The following ACACA variants were observed in gnomAD, a reference collection of about 807,000 sequenced individuals.
ACACA encodes acetyl-CoA carboxylase alpha.
In ACACA, 103 loss-of-function variants were observed where a neutral mutation model predicts 296.1. The observed-to-expected ratio is 0.35, with a 90% CI of 0.30 to 0.41. The LOEUF (loss-of-function observed/expected upper bound fraction) is 0.41. Ranked by LOEUF, ACACA falls within the 10% of genes least tolerant of loss-of-function variation. The pLI is 1.00. For missense variants in ACACA, 1,554 were observed against 2,989.7 expected, an observed-to-expected ratio of 0.52 and a Z score of 11.20; for synonymous variants, 953 against 1,038.6, an observed-to-expected ratio of 0.92 and a Z score of 1.58.
chr17:37,367,875 C>T (rs2049662908), intron 1 of ACACA, among the ~76,000 whole-genome samples: 1 of 152,032 alleles, frequency 6.6e-6, no homozygotes, highest in East Asian at 1.9e-4. Context: ...CAAGATGAAC[C>T]TGGCCAACAT....
chr17:37,247,295 C>T (rs893584129), intron 18 of ACACA, among the ~76,000 whole-genome samples: 3 of 151,986 alleles, frequency 2.0e-5, no homozygotes, highest in African/African-American at 7.3e-5. Flanking sequence ...TATGTTGTGG[C>T]AATGTTCTAC....
Position 37,173,982 on chromosome 17 carries a change from TTATATATATATATATA to T in ACACA, c.5079+5262_5079+5277del, listed in dbSNP as rs1173883631. ...GCGCCTGCCAACACGCCTGGCTAAT[TTATATATATATATATA>T]TATATATATATATATATATATATTT... On this transcript the variant is annotated intron_variant, in intron 41 of 55. Coordinates refer to ENST00000616317, the MANE Select transcript of ACACA (RefSeq NM_198834.3). Among the ~76,000 whole-genome samples, 16 of 19,440 alleles carry T rather than the reference TTATATATATATATATA, an allele frequency of 8.2e-4. 1 individual carries two copies. Among genetic ancestry groups the T allele is most frequent in the Admixed American group, 3.6e-3 (4 of 1,108 alleles). 12.8% of individuals were successfully genotyped at this position (19,440 alleles called of 152,430 possible). A position where few individuals can be genotyped will look rare whatever the true frequency, so the allele number is the denominator to read the frequency against.
At chr17:37,173,991 TATATATATATATATATATATATATATA>T in intron 41 of ACACA, among the ~76,000 whole-genome samples, 5 of 8,504 alleles carry the variant, frequency 5.9e-4, no homozygotes, top group African/African-American at 4.1e-3. Flanking sequence ...TTTATATATA[TATATATATATATATATATATATATATA>T]TATTTTTTTT....
chr17:37,135,576 G>A (rs1044784694), intron 45 of ACACA, among the ~76,000 whole-genome samples: 7 of 152,188 alleles, frequency 4.6e-5, no homozygotes, highest in African/African-American at 1.4e-4. Context: ...TCAGTGGAAG[G>A]AAAAGAAACA....
chr17:37,122,604 A>G lies in ACACA; in HGVS notation c.6065T>C (p.Val2022Ala), dbSNP rs374163033. ...RARLGGIPVGVVAVETRTVEL... is the reference protein window; with the variant it reads ...RARLGGIPVGAVAVETRTVEL... ...TACTGTTCGGGTTTCTACAGCAACA[A>G]CTCCCACAGGTATTCCTCCTAGCCT... Residue 2022 changes from valine (V) to alanine (A), a missense_variant, in exon 49 of 56, where the codon GTT becomes GCT. Coordinates refer to ENST00000616317, the MANE Select transcript of ACACA (RefSeq NM_198834.3). 96 of 1,614,110 alleles carry G rather than the reference A, an allele frequency of 5.9e-5. No homozygotes were observed. The highest frequency in any genetic ancestry group is 8.1e-5 in the Non-Finnish European group (96 of 1,180,000).
Position 37,406,735 on chromosome 17 carries a change from G to C in ACACA, c.-436C>G, listed in dbSNP as rs1319642758. ...CATCCTCCCAGTCCTCGGGCACGGGGACAGCAGCAGGCGCGCGGCGGGGAC... is the reference window on the plus strand; with the variant it reads ...CATCCTCCCAGTCCTCGGGCACGGGCACAGCAGCAGGCGCGCGGCGGGGAC... On this transcript the variant is annotated 5_prime_UTR_variant, in exon 1 of 56. Coordinates refer to ENST00000616317, the MANE Select transcript of ACACA (RefSeq NM_198834.3). The C allele has an allele frequency of 5.6e-6, 1 of 178,330 alleles. No homozygotes were observed. Among genetic ancestry groups the C allele is most frequent in the African/African-American group, 2.4e-5 (1 of 42,216 alleles). 11.0% of individuals were successfully genotyped at this position (178,330 alleles called of 1,614,324 possible). A position where few individuals can be genotyped will look rare whatever the true frequency, so the allele number is the denominator to read the frequency against.
intron 34 of ACACA, 101 bp from the exon 35 acceptor site, chr17:37,200,284 G>GT (rs568149989): frequency 7.4e-5 from 103 of 1,388,138 alleles, no homozygotes; most frequent in Non-Finnish European, 8.1e-5. Context: ...TTAAACTAAT[G>GT]TTTTTTAAAA....
At chr17:37,238,815 C>T (rs925623228) in intron 24 of ACACA, among the ~76,000 whole-genome samples, 10 of 152,016 alleles carry the variant, frequency 6.6e-5, no homozygotes, top group African/African-American at 1.9e-4. Flanking sequence ...TTTTGGGTTG[C>T]TATTTTATCA....
At chr17:37,343,133 A>G (rs1232559836) in intron 1 of ACACA, among the ~76,000 whole-genome samples, 1 of 151,894 alleles carries the variant, frequency 6.6e-6, no homozygotes, top group African/African-American at 2.4e-5. Context: ...GCATGCCACC[A>G]CACCTGGCTG....
At chr17:37,330,743 T>C (rs1028261756) in intron 2 of ACACA, among the ~76,000 whole-genome samples, 1 of 152,212 alleles carries the variant, frequency 6.6e-6, no homozygotes, top group African/African-American at 2.4e-5. Flanking sequence ...GGGGAAACCT[T>C]TGCAGTAGGA....
intron 3 of ACACA, among the ~76,000 whole-genome samples, chr17:37,323,693 G>A (rs1385118202): frequency 6.6e-6 from 1 of 152,194 alleles, no homozygotes; most frequent in Admixed American, 6.5e-5. Context: ...AAAGAGGAAA[G>A]AAATCACACT....
At chr17:37,234,833 G>T in intron 25 of ACACA, 142 bp downstream of exon 25, 1 of 943,758 alleles carries the variant, frequency 1.1e-6, no homozygotes, top group Non-Finnish European at 1.6e-6. Flanking sequence ...GTGAGAAACT[G>T]TTAATCCACA....
Position 37,151,806 on chromosome 17 carries a change from C to A in ACACA, c.5448-385G>T, listed in dbSNP as rs144338063. 8.5e-5 allele frequency among the ~76,000 whole-genome samples: 13 copies of A among 152,186 alleles called. No homozygotes were observed. The East Asian group carries it at 2.5e-3, about 29-fold the overall frequency. ...CCTCCCAAGTAGCTGGGACTACAGGCGCCCGCCACCACGCCCGGCTAATTT... is the reference window on the plus strand; with the variant it reads ...CCTCCCAAGTAGCTGGGACTACAGGAGCCCGCCACCACGCCCGGCTAATTT... On this transcript the variant is annotated intron_variant, in intron 43 of 55. Coordinates refer to ENST00000616317, the MANE Select transcript of ACACA (RefSeq NM_198834.3).
At chr17:37,108,190 T>TA (rs1290362672) in intron 52 of ACACA, among the ~76,000 whole-genome samples, 1 of 152,094 alleles carries the variant, frequency 6.6e-6, no homozygotes, top group African/African-American at 2.4e-5. Flanking sequence ...TTACTTCTAT[T>TA]AGGAATCAGT....
intron 32 of ACACA, 38 bp from the exon 33 acceptor site, chr17:37,205,910 C>T (rs754099106): frequency 4.8e-5 from 69 of 1,444,512 alleles, no homozygotes; most frequent in Non-Finnish European, 6.2e-5. Context: ...AATTATGAGG[C>T]TGGCCAATAC....
chr17:37,270,128 C>T (rs1287101211), intron 10 of ACACA, among the ~76,000 whole-genome samples: 2 of 152,196 alleles, frequency 1.3e-5, no homozygotes, highest in African/African-American at 2.4e-5. Flanking sequence ...GATCCTACAT[C>T]GAGCTTTCCT....
intron 41 of ACACA, among the ~76,000 whole-genome samples, chr17:37,176,971 C>T (rs1265092287): frequency 6.6e-6 from 1 of 152,134 alleles, no homozygotes; most frequent in African/African-American, 2.4e-5. Context: ...AGCCTCAATC[C>T]TAGTCAATCA....
intron 38 of ACACA, among the ~76,000 whole-genome samples, chr17:37,190,862 GTTTTTGTACTGC>G (rs1406742346): frequency 1.3e-5 from 2 of 152,146 alleles, no homozygotes; most frequent in African/African-American, 4.8e-5. Flanking sequence ...ATGTTTTCAT[GTTTTTGTACTGC>G]TTATAAGTGA....
rs2047812728 is a variant in ACACA, at chr17:37,330,220, A to G, written c.291T>C (p.Ser97=). 9 of 1,614,214 alleles carry G rather than the reference A, an allele frequency of 5.6e-6. No individual in the cohort carries two copies. Among genetic ancestry groups the G allele is most frequent in the Admixed American group, 1.7e-5 (1 of 60,022 alleles). Residue 97 remains serine, a synonymous_variant, in exon 3 of 56, where the codon TCT becomes TCC. Coordinates refer to ENST00000616317, the MANE Select transcript of ACACA (RefSeq NM_198834.3). Reference sequence around the variant, plus strand: ...CCTGTAGGCTAGAGATCCCCAAATCAGAGAGTGTATCTGAGCCAACAGAAG... The same window carrying G: ...CCTGTAGGCTAGAGATCCCCAAATCGGAGAGTGTATCTGAGCCAACAGAAG... ...SPASVGSDTL[S]DLGISSLQDG...
Sources: allele counts gnomAD v4.1 joint callset (sites outside exome capture counted in the v4.1 genomes callset), GRCh38; gene constraint gnomAD v4.1.1; transcripts MANE v1.5; gene names NCBI Gene and HGNC (gene_info 2026-07-23, HGNC 2026-07-21).